The following PCDHA5 variants were observed in gnomAD, a reference collection of about 807,000 sequenced individuals.
PCDHA5 encodes protocadherin alpha 5, also known as protocadherin alpha-5.
In PCDHA5, 43 loss-of-function variants were observed where a neutral mutation model predicts 61.6. That is an observed-to-expected ratio of 0.70 (90% CI 0.55 to 0.90). The LOEUF (loss-of-function observed/expected upper bound fraction) is 0.90. PCDHA5 is among the 40% of genes least tolerant of loss of function. PCDHA5 has a pLI of 0.00. For synonymous variants in PCDHA5, 627 were observed against 543.9 expected, an observed-to-expected ratio of 1.15 and a Z score of -2.13; for missense variants, 1,298 against 1,222.7, an observed-to-expected ratio of 1.06 and a Z score of -0.92.
chr5:140,933,314 G>C (rs925777839), intron 1 of PCDHA5, among the ~76,000 whole-genome samples: 1 of 151,914 alleles, frequency 6.6e-6, no homozygotes, highest in African/African-American at 2.4e-5. Context: ...ATGCAATCTC[G>C]TATTCTCCTG....
At chr5:140,935,144 A>G (rs1289868558) in intron 1 of PCDHA5, among the ~76,000 whole-genome samples, 1 of 152,184 alleles carries the variant, frequency 6.6e-6, no homozygotes, top group Admixed American at 6.5e-5. Context: ...TGATACTTAG[A>G]GATATAATCT....
intron 1 of PCDHA5, among the ~76,000 whole-genome samples, chr5:140,977,658 T>C (rs1332848343): frequency 6.6e-6 from 1 of 152,192 alleles, no homozygotes; most frequent in African/African-American, 2.4e-5. Context: ...TTTGGCTAAT[T>C]CTCTGCATGC....
intron 1 of PCDHA5, chr5:140,851,422 A>C (rs1554145396): frequency 1.1e-6 from 1 of 948,550 alleles, no homozygotes; most frequent in Non-Finnish European, 1.3e-6. Flanking sequence ...ACTTCCCCTA[A>C]ACTTTAGAAA....
rs367685277 is a variant in PCDHA5 at position 140,871,336 on chromosome 5, G to A, written c.2352+47209G>A. 5.0e-6 allele frequency: 8 copies of A among 1,614,062 alleles called. No homozygotes were observed. The African/African-American group carries it at 9.3e-5, about 19-fold the overall frequency. On this transcript the variant is annotated intron_variant, in intron 1 of 3. Transcript: ENST00000529859. ...CACGCTGGTGTGCTCCCGCGCGGTG[G>A]GGAGCTGGTCATACTCGCAGCAGAG...
At position 140,869,969 on chromosome 5, in the gene PCDHA5, G is replaced by A. The variant is rs147407508; in HGVS notation, c.2352+45842G>A. 57 of 1,613,134 alleles carry A rather than the reference G, an allele frequency of 3.5e-5. No individual in the cohort carries two copies. In the African/African-American group the frequency reaches 7.1e-4, roughly 20 times the overall value. On this transcript the variant is annotated intron_variant, in intron 1 of 3. Coordinates refer to ENST00000529859, the MANE Select transcript of PCDHA5 (RefSeq NM_018908.3). Reference sequence around the variant, plus strand: ...TTAATGTCAATTAAGCCCAATGGAAGACACTTATTTACACTAGATCAAAAT... The same window carrying A: ...TTAATGTCAATTAAGCCCAATGGAAAACACTTATTTACACTAGATCAAAAT...
rs1467294389 is a variant in PCDHA5 at position 140,851,714 on chromosome 5, C to T, written c.2352+27587C>T. ...TAAAATGATCAGCCATGTGAAGATT[C>T]GAAACTTCGAGTTCTTTTGAAATTC... On this transcript the variant is annotated intron_variant, in intron 1 of 3. Coordinates refer to ENST00000529859, the MANE Select transcript of PCDHA5 (RefSeq NM_018908.3). The T allele has an allele frequency of 2.3e-5, 22 of 961,800 alleles. 2 individuals are homozygous for T. The highest frequency in any genetic ancestry group is 9.6e-5 in the South Asian group (2 of 20,808). The allele number at this position is 961,800 out of a possible 1,614,324, so 59.6% of individuals were successfully genotyped here.
At chr5:140,927,195 C>T in intron 1 of PCDHA5, 1 of 1,614,118 alleles carries the variant, frequency 6.2e-7, no homozygotes, top group Non-Finnish European at 8.5e-7. Flanking sequence ...ACCTGGTGCT[C>T]GAGGACCCGC....
intron 1 of PCDHA5, chr5:140,855,849 C>T: frequency 7.5e-6 from 5 of 665,166 alleles, no homozygotes; most frequent in Non-Finnish European, 1.2e-5. Flanking sequence ...CCTAAAGCCA[C>T]CGGATGTCGC....
chr5:140,911,420 C>T (rs1411930717), intron 1 of PCDHA5, among the ~76,000 whole-genome samples: 1 of 152,134 alleles, frequency 6.6e-6, no homozygotes, highest in Non-Finnish European at 1.5e-5. Context: ...ATGATAAGAA[C>T]TTGTGTCCAA....
chr5:140,848,775 G>A, intron 1 of PCDHA5: 1 of 1,593,566 alleles, frequency 6.3e-7, no homozygotes, highest in Non-Finnish European at 8.6e-7. Context: ...CGACCGCGAG[G>A]AGCTGTGCGG....
intron 1 of PCDHA5, chr5:140,870,820 G>A (rs1554164732): frequency 6.2e-7 from 1 of 1,613,748 alleles, no homozygotes; most frequent in Non-Finnish European, 8.5e-7. Context: ...TGGCAGCGCG[G>A]GAGGCGCAGT....
At chr5:140,871,077 G>GACGGCC (rs782552854) in intron 1 of PCDHA5, 6 of 1,613,222 alleles carry the variant, frequency 3.7e-6, no homozygotes, top group Non-Finnish European at 5.1e-6. Context: ...AGCCGGCGCT[G>GACGGCC]ACGGCCACGG....
chr5:140,966,374 C>G (rs2095995934), intron 1 of PCDHA5: 1 of 405,056 alleles, frequency 2.5e-6, no homozygotes, highest in South Asian at 1.3e-4. Flanking sequence ...GCTGAGCAGT[C>G]CGGGTTCGCT....
intron 1 of PCDHA5, chr5:140,841,607 T>G (rs1554138334): frequency 4.3e-6 from 7 of 1,614,090 alleles, no homozygotes; most frequent in Non-Finnish European, 5.9e-6. Flanking sequence ...CGAGGAGCTG[T>G]GCGGGCGGAG....
In PCDHA5 at chr5:141,011,437, GA is replaced by G. The variant is rs1196462702; in HGVS notation, c.*1501del. The G allele has an allele frequency of 2.6e-5, 4 of 153,726 alleles. No homozygotes were observed. Among genetic ancestry groups the G allele is most frequent in the African/African-American group, 9.7e-5 (4 of 41,440 alleles). 9.5% of individuals were successfully genotyped at this position (153,726 alleles called of 1,614,324 possible). ...TGAATGTTAATGCAACTATTACCTA[GA>G]GTGAACTTTAAGCTTTATTGTTGAA... is the stretch of plus-strand genomic sequence containing the variant. On this transcript the variant is annotated 3_prime_UTR_variant, in exon 4 of 4. Transcript: ENST00000529859.
chr5:140,835,777 A>G (rs2150244519), intron 1 of PCDHA5: 1 of 1,613,276 alleles, frequency 6.2e-7, no homozygotes, highest in Admixed American at 1.7e-5. Context: ...GTGTTCGTGA[A>G]GGAGAACAAC....
chr5:141,010,296 G>C lies in PCDHA5; in HGVS notation c.*359G>C. On this transcript the variant is annotated 3_prime_UTR_variant, in exon 4 of 4. Transcript: ENST00000529859. ...CTGTCTTGATGACACTTGCAGGGCA[G>C]GCTGAAAAGTTTTGAGATTGAGCAG... The C allele has an allele frequency of 1.3e-6, 2 of 1,549,428 alleles. No individual in the cohort carries two copies. The highest frequency in any genetic ancestry group is 1.7e-6 in the Non-Finnish European group (2 of 1,146,352).
In PCDHA5 at chr5:140,904,903, A is replaced by G. The variant is rs568713418; in HGVS notation, c.2353-74046A>G. On this transcript the variant is annotated intron_variant, in intron 1 of 3. Transcript: ENST00000529859. ...CTTTTTGATGGGATTTGTTTTTCTT[A>G]CTGATTTGTTTGACTTCCTTGTAGG... 9.4e-4 allele frequency among the ~76,000 whole-genome samples: 142 copies of G among 151,862 alleles called. 2 individuals carry two copies. The highest frequency in any genetic ancestry group is 2.9e-3 in the African/African-American group (122 of 41,438).
chr5:140,843,457 G>A, intron 1 of PCDHA5: 1 of 1,596,058 alleles, frequency 6.3e-7, no homozygotes, highest in South Asian at 1.1e-5. Flanking sequence ...GCCTGCTGGT[G>A]CTCACGCTGC....
Sources: allele counts gnomAD v4.1 joint callset (sites outside exome capture counted in the v4.1 genomes callset), GRCh38; gene constraint gnomAD v4.1.1; transcripts MANE v1.5; gene names NCBI Gene and HGNC (gene_info 2026-07-23, HGNC 2026-07-21).